Variants in SMIM43 observed in about 807,000 individuals in gnomAD.
SMIM43 encodes small integral membrane protein 43.
Position 121,760,101 on chromosome 4 carries a change from G to T in SMIM43, c.*873C>A. 2.6e-6 allele frequency: 2 copies of T among 778,434 alleles called. No homozygotes were observed. The highest frequency in any genetic ancestry group is 1.9e-6 in the Non-Finnish European group (1 of 523,130). The allele number at this position is 778,434 out of a possible 1,614,324, so 48.2% of individuals were successfully genotyped here. ...CTGTCAGAGGGGAGCAGTGCTGCTT[G>T]GAGCTTTGACAGTTGTGAAGGAACT... On this transcript the variant is annotated 3_prime_UTR_variant, in exon 6 of 6. Transcript: ENST00000643802.
rs998196845 is a variant in SMIM43, at chr4:121,760,209, G to A, written c.*765C>T. 26 of 1,523,022 alleles carry A rather than the reference G, an allele frequency of 1.7e-5. No individual in the cohort carries two copies. Among genetic ancestry groups the A allele is most frequent in the African/African-American group, 2.8e-5 (2 of 71,718 alleles). 94.3% of individuals were successfully genotyped at this position (1,523,022 alleles called of 1,614,324 possible). A position where few individuals can be genotyped will look rare whatever the true frequency, so the allele number is the denominator to read the frequency against. On this transcript the variant is annotated 3_prime_UTR_variant, in exon 6 of 6. Coordinates refer to ENST00000643802, the MANE Select transcript of SMIM43 (RefSeq NM_001384332.1). Reference sequence around the variant, plus strand: ...CATAAAATGTTAGTTGTCCTCCCAAGATCCACCATCATCTTCTTCTTCATC... The same window carrying A: ...CATAAAATGTTAGTTGTCCTCCCAAAATCCACCATCATCTTCTTCTTCATC...
At position 121,760,485 on chromosome 4, in the gene SMIM43, A is replaced by C; in HGVS notation, c.*500-11T>G. 1 of 1,525,824 alleles carries C rather than the reference A, an allele frequency of 6.6e-7. No individual in the cohort carries two copies. The highest frequency in any genetic ancestry group is 8.8e-7 in the Non-Finnish European group (1 of 1,137,328). The allele number at this position is 1,525,824 out of a possible 1,614,324, so 94.5% of individuals were successfully genotyped here. A position where few individuals can be genotyped will look rare whatever the true frequency, so the allele number is the denominator to read the frequency against. ...GGACCATCTTGGAACCTGGAGGAAAAAGCCAAGGGAACCTCAGCAGCCACC... is the reference window on the plus strand; with the variant it reads ...GGACCATCTTGGAACCTGGAGGAAACAGCCAAGGGAACCTCAGCAGCCACC... On this transcript the variant is annotated splice_polypyrimidine_tract_variant and intron_variant, in intron 5 of 5. Transcript: ENST00000643802.
rs377198719 is a variant in SMIM43, at chr4:121,761,825, C to T, written c.*341+5G>A. 6.2e-7 allele frequency: 1 copy of T among 1,613,028 alleles called. No individual in the cohort carries two copies. The highest frequency in any genetic ancestry group is 1.3e-5 in the African/African-American group (1 of 74,910). On this transcript the variant is annotated splice_donor_5th_base_variant and intron_variant, in intron 4 of 5. Transcript: ENST00000643802. The stretch of plus-strand genomic sequence containing the variant: ...CAAGTAGAACTGCAGATCCATTGCA[C>T]TTACAAGTTTGGAAATTAGTGCAAC...
At chr4:121,764,208 C>T (rs1162859437) in intron 1 of SMIM43, 1 of 152,214 alleles carries the variant, frequency 6.6e-6, no homozygotes, top group Non-Finnish European at 1.5e-5. Flanking sequence ...GAAACCTACC[C>T]TGCACGGCAA....
chr4:121,761,819 A>T lies in SMIM43; in HGVS notation c.*341+11T>A, dbSNP rs1726086338. On this transcript the variant is annotated intron_variant, in intron 4 of 5. Transcript: ENST00000643802. ...TCTTGCCAAGTAGAACTGCAGATCCATTGCACTTACAAGTTTGGAAATTAG... is the reference window on the plus strand; with the variant it reads ...TCTTGCCAAGTAGAACTGCAGATCCTTTGCACTTACAAGTTTGGAAATTAG... 1.2e-6 allele frequency: 2 copies of T among 1,613,012 alleles called. No homozygotes were observed. The highest frequency in any genetic ancestry group is 1.7e-6 in the Non-Finnish European group (2 of 1,179,510).
Position 121,763,830 on chromosome 4 carries a change from A to G in SMIM43, c.*140T>C, listed in dbSNP as rs1254585666. ...TTTTGCAGGCCCAAACTGTCATTGC[A>G]GCTGTGGTCCCCTGAGCACCAGTCA... On this transcript the variant is annotated 3_prime_UTR_variant, in exon 2 of 6. Transcript: ENST00000643802. 6.6e-6 allele frequency: 1 copy of G among 152,200 alleles called. No individual in the cohort carries two copies. Among genetic ancestry groups the G allele is most frequent in the African/African-American group, 2.4e-5 (1 of 41,418 alleles). 9.4% of individuals were successfully genotyped at this position (152,200 alleles called of 1,614,324 possible).
intron 1 of SMIM43, 54 bp downstream of exon 1, chr4:121,764,763 G>T: frequency 2.5e-6 from 1 of 394,644 alleles, no homozygotes; most frequent in Non-Finnish European, 4.5e-6. Context: ...GCGGAGACGC[G>T]GGTCCCTGCG....
rs1725948290 is a variant in SMIM43 at position 121,759,690 on chromosome 4, G to C, written c.*1284C>G. On this transcript the variant is annotated 3_prime_UTR_variant, in exon 6 of 6. Transcript: ENST00000643802. ...GCTGCTTATAGAAGCAGCTTTGAGAGGCAATTCTTCTCCCAGGATATTCCT... is the reference window on the plus strand; with the variant it reads ...GCTGCTTATAGAAGCAGCTTTGAGACGCAATTCTTCTCCCAGGATATTCCT... The C allele has an allele frequency of 6.6e-6, 1 of 152,180 alleles. No homozygotes were observed. 9.4% of individuals were successfully genotyped at this position (152,180 alleles called of 1,614,324 possible).
At chr4:121,765,302 G>A (rs1286151246), upstream of SMIM43, 1 of 363,056 alleles carries the variant, frequency 2.8e-6, no homozygotes, top group Admixed American at 4.7e-5. Flanking sequence ...GAAATCCGGC[G>A]CAGACTCTCC....
At chr4:121,765,378 T>G, upstream of SMIM43, 1 of 268,974 alleles carries the variant, frequency 3.7e-6, no homozygotes, top group Non-Finnish European at 6.9e-6. Context: ...CGCGAGCGAC[T>G]TCCCTAGGAG....
intron 2 of SMIM43, among the ~76,000 whole-genome samples, 165 bp downstream of exon 2, chr4:121,763,599 G>C (rs1167430536): frequency 6.6e-6 from 1 of 152,128 alleles, no homozygotes; most frequent in East Asian, 1.9e-4. Flanking sequence ...AGTCAGTTTG[G>C]CTTTGTGGAT....
rs530572276 is a variant in SMIM43 at position 121,760,527 on chromosome 4, C to G, written c.*500-53G>C. On this transcript the variant is annotated intron_variant, in intron 5 of 5. Transcript: ENST00000643802. Reference sequence around the variant, plus strand: ...GCAGCCACCTTAATTAAGCCTGACACCCGTGAGCTGCTGAACCAGCACCAG... The same window carrying G: ...GCAGCCACCTTAATTAAGCCTGACAGCCGTGAGCTGCTGAACCAGCACCAG... The G allele has an allele frequency of 1.8e-5, 27 of 1,468,102 alleles. No individual in the cohort carries two copies. The East Asian group carries it at 5.5e-4, about 30-fold the overall frequency. The allele number at this position is 1,468,102 out of a possible 1,614,324, so 90.9% of individuals were successfully genotyped here.
In SMIM43 at chr4:121,760,451, G is replaced by T; in HGVS notation, c.*523C>A. On this transcript the variant is annotated 3_prime_UTR_variant, in exon 6 of 6. Coordinates refer to ENST00000643802, the MANE Select transcript of SMIM43 (RefSeq NM_001384332.1). ...TGGGCTTCCTCCTTCTTCTTGTGGGGTGCTGCGGGGACCATCTTGGAACCT... is the reference window on the plus strand; with the variant it reads ...TGGGCTTCCTCCTTCTTCTTGTGGGTTGCTGCGGGGACCATCTTGGAACCT... The T allele has an allele frequency of 6.4e-7, 1 of 1,550,818 alleles. No homozygotes were observed. The highest frequency in any genetic ancestry group is 8.7e-7 in the Non-Finnish European group (1 of 1,147,052).
Position 121,761,846 on chromosome 4 carries a change from G to A in SMIM43, c.*325C>T. 6.2e-7 allele frequency: 1 copy of A among 1,612,880 alleles called. No individual in the cohort carries two copies. Among genetic ancestry groups the A allele is most frequent in the East Asian group, 2.2e-5 (1 of 44,838 alleles). ...TGCACTTACAAGTTTGGAAATTAGT[G>A]CAACAGCCAAGATTGTCCTGATAAG... On this transcript the variant is annotated 3_prime_UTR_variant, in exon 4 of 6. Coordinates refer to ENST00000643802, the MANE Select transcript of SMIM43 (RefSeq NM_001384332.1).
intron 4 of SMIM43, 61 bp from the exon 5 acceptor site, chr4:121,761,756 T>C: frequency 4.3e-6 from 7 of 1,610,178 alleles, no homozygotes; most frequent in Non-Finnish European, 5.9e-6. Context: ...TTTGCAGGTG[T>C]GAGTGTGATG....
Position 121,764,892 on chromosome 4 carries a change from C to A in SMIM43, c.*22G>T. On this transcript the variant is annotated 3_prime_UTR_variant, in exon 1 of 6. Coordinates refer to ENST00000643802, the MANE Select transcript of SMIM43 (RefSeq NM_001384332.1). ...CAGCGCCCGCGCAGCTCGGTGCCCT[C>A]CCGCCAGTGCCCGCACTCGGGTCAC... 2.5e-6 allele frequency: 1 copy of A among 398,188 alleles called. No homozygotes were observed. The highest frequency in any genetic ancestry group is 6.3e-4 in the Middle Eastern group (1 of 1,588). The allele number at this position is 398,188 out of a possible 1,614,324, so 24.7% of individuals were successfully genotyped here. A position where few individuals can be genotyped will look rare whatever the true frequency, so the allele number is the denominator to read the frequency against.
At chr4:121,762,933 C>T (rs1290368820) in intron 2 of SMIM43, 135 bp from the exon 3 acceptor site, 1 of 152,194 alleles carries the variant, frequency 6.6e-6, no homozygotes, top group African/African-American at 2.4e-5. Flanking sequence ...TAATTACTCC[C>T]ACACTCATCT....
chr4:121,760,204 C>T lies in SMIM43; in HGVS notation c.*770G>A. ...CAGGGCATAAAATGTTAGTTGTCCT[C>T]CCAAGATCCACCATCATCTTCTTCT... On this transcript the variant is annotated 3_prime_UTR_variant, in exon 6 of 6. Transcript: ENST00000643802. The T allele has an allele frequency of 6.6e-7, 1 of 1,520,480 alleles. No homozygotes were observed. The highest frequency in any genetic ancestry group is 2.3e-5 in the East Asian group (1 of 43,682). 94.2% of individuals were successfully genotyped at this position (1,520,480 alleles called of 1,614,324 possible).
Position 121,761,885 on chromosome 4 carries a change from T to C in SMIM43, c.*286A>G, listed in dbSNP as rs781553758. The C allele has an allele frequency of 5.6e-6, 9 of 1,607,468 alleles. No individual in the cohort carries two copies. Among genetic ancestry groups the C allele is most frequent in the South Asian group, 1.1e-5 (1 of 89,020 alleles). On this transcript the variant is annotated 3_prime_UTR_variant, in exon 4 of 6. Coordinates refer to ENST00000643802, the MANE Select transcript of SMIM43 (RefSeq NM_001384332.1). Reference sequence around the variant, plus strand: ...TGTCCTGATAAGATCTGAAGCCATTTTGAACACCTGAAATTTAGAAACAAT... The same window carrying C: ...TGTCCTGATAAGATCTGAAGCCATTCTGAACACCTGAAATTTAGAAACAAT...
Sources: allele counts gnomAD v4.1 joint callset (sites outside exome capture counted in the v4.1 genomes callset), GRCh38; gene constraint gnomAD v4.1.1; transcripts MANE v1.5; gene names NCBI Gene and HGNC (gene_info 2026-07-23, HGNC 2026-07-21).